Variants in LRFN5 observed in about 807,000 individuals in gnomAD.
LRFN5 encodes the protein leucine rich repeat and fibronectin type III domain containing 5.
LRFN5 carries 24 observed loss-of-function variants against 45.6 expected under a neutral mutation model. The observed-to-expected ratio is 0.53, with a 90% CI of 0.38 to 0.74. The LOEUF (loss-of-function observed/expected upper bound fraction) is 0.74. LRFN5 is among the 30% of genes least tolerant of loss of function. The probability of loss-of-function intolerance (pLI) is 0.00; values close to 1 mark genes in which losing one functional copy is unlikely to be tolerated. For missense variants in LRFN5, 776 were observed against 861.5 expected (o/e 0.90, Z 1.24); for synonymous variants, 340 against 313.8 (o/e 1.08, Z -0.88).
At chr14:41,786,247 C>G (rs1407333362) in intron 2 of LRFN5, among the ~76,000 whole-genome samples, 2 of 152,066 alleles carry the variant, frequency 1.3e-5, no homozygotes, top group Non-Finnish European at 2.9e-5. Flanking sequence ...TGACTTCGTT[C>G]TATCTAGTTT....
At chr14:41,701,155 G>A (rs547883061) in intron 1 of LRFN5, 1 of 152,126 alleles carries the variant, frequency 6.6e-6, no homozygotes, top group South Asian at 2.1e-4. Flanking sequence ...AGAATATGTT[G>A]ATCAATTAGA....
At chr14:41,739,820 T>C (rs1350056323) in intron 1 of LRFN5, among the ~76,000 whole-genome samples, 1 of 151,676 alleles carries the variant, frequency 6.6e-6, no homozygotes, top group Non-Finnish European at 1.5e-5. Context: ...TTAGCTAGAC[T>C]AACAAGGACA....
chr14:41,699,683 A>G (rs1054967375), intron 1 of LRFN5: 14 of 152,118 alleles, frequency 9.2e-5, no homozygotes, highest in African/African-American at 3.4e-4. Flanking sequence ...TGTGACACTA[A>G]CACTCCGTGG....
chr14:41,836,380 G>GCACATACTT (rs1361097983), intron 2 of LRFN5, among the ~76,000 whole-genome samples: 19 of 152,086 alleles, frequency 1.2e-4, no homozygotes, highest in Non-Finnish European at 2.2e-4. Context: ...TGCATGAATT[G>GCACATACTT]CACATACTTG....
At chr14:41,809,740 A>G (rs986773206) in intron 2 of LRFN5, among the ~76,000 whole-genome samples, 1 of 151,836 alleles carries the variant, frequency 6.6e-6, no homozygotes, top group African/African-American at 2.4e-5. Context: ...AAGATATTTA[A>G]ATATAAATCA....
intron 4 of LRFN5, 65 bp from the exon 5 acceptor site, chr14:41,898,851 AG>A: frequency 7.2e-7 from 1 of 1,380,824 alleles, no homozygotes; most frequent in Non-Finnish European, 1.0e-6. Context: ...TTTCAGTAAG[AG>A]GTTTTTTGAA....
intron 1 of LRFN5, among the ~76,000 whole-genome samples, chr14:41,732,549 C>T (rs188433385): frequency 6.2e-4 from 94 of 152,056 alleles, no homozygotes; most frequent in Non-Finnish European, 9.9e-4. Flanking sequence ...ACATTTCAGG[C>T]GAACTCTGCA....
intron 2 of LRFN5, among the ~76,000 whole-genome samples, chr14:41,852,064 G>C (rs924681257): frequency 6.6e-6 from 1 of 151,512 alleles, no homozygotes; most frequent in African/African-American, 2.4e-5. Context: ...CTTTCCTAAT[G>C]AAAATTGTGG....
intron 1 of LRFN5, among the ~76,000 whole-genome samples, chr14:41,670,223 A>C: frequency 7.8e-6 from 1 of 128,922 alleles, no homozygotes; most frequent in African/African-American, 3.0e-5. Flanking sequence ...GTGTATATAT[A>C]TGTATACACA....
At chr14:41,634,249 A>G (rs146685137) in intron 1 of LRFN5, among the ~76,000 whole-genome samples, 4 of 152,256 alleles carry the variant, frequency 2.6e-5, no homozygotes, top group Non-Finnish European at 4.4e-5. Flanking sequence ...CAATGAGCCT[A>G]TCTTTTCTTA....
intron 1 of LRFN5, among the ~76,000 whole-genome samples, chr14:41,632,488 A>C (rs1196167262): frequency 1.3e-5 from 2 of 152,132 alleles, no homozygotes; most frequent in Admixed American, 6.5e-5. Flanking sequence ...CTTTAATCCC[A>C]GCTACTCGGG....
intron 1 of LRFN5, among the ~76,000 whole-genome samples, chr14:41,710,794 G>C (rs185700768): frequency 1.7e-3 from 251 of 150,988 alleles, no homozygotes; most frequent in Non-Finnish European, 3.0e-3. Context: ...GACAGGCCCC[G>C]GTGTGTGATG....
intron 2 of LRFN5, among the ~76,000 whole-genome samples, chr14:41,797,534 T>C (rs1887174260): frequency 6.6e-6 from 1 of 151,624 alleles, no homozygotes; most frequent in African/African-American, 2.4e-5. Context: ...TCCTTATTCT[T>C]TTTCTTTCTT....
At chr14:41,889,452 C>G (rs1222667847) in intron 3 of LRFN5, among the ~76,000 whole-genome samples, 3 of 151,962 alleles carry the variant, frequency 2.0e-5, no homozygotes, top group Non-Finnish European at 4.4e-5. Flanking sequence ...CTTGTCATAC[C>G]AGGCTCTTCA....
intron 2 of LRFN5, among the ~76,000 whole-genome samples, chr14:41,865,191 G>C (rs1244910831): frequency 1.3e-5 from 2 of 151,742 alleles, no homozygotes; most frequent in Non-Finnish European, 2.9e-5. Context: ...GAACACTTTT[G>C]TCATCCCACA....
intron 1 of LRFN5, among the ~76,000 whole-genome samples, chr14:41,644,598 G>A (rs1879727151): frequency 6.6e-6 from 1 of 152,106 alleles, no homozygotes; most frequent in Admixed American, 6.6e-5. Flanking sequence ...GTGTGTGTGT[G>A]TGTTATGTAT....
At chr14:41,823,676 T>C (rs977300863) in intron 2 of LRFN5, among the ~76,000 whole-genome samples, 2 of 152,140 alleles carry the variant, frequency 1.3e-5, no homozygotes, top group African/African-American at 2.4e-5. Flanking sequence ...TCTTGTATCT[T>C]GATATTTAAA....
intron 2 of LRFN5, among the ~76,000 whole-genome samples, chr14:41,857,663 A>C (rs1454839445): frequency 6.6e-6 from 1 of 152,318 alleles, no homozygotes; most frequent in East Asian, 1.9e-4. Context: ...AACATGCATA[A>C]TACACATACT....
intron 1 of LRFN5, among the ~76,000 whole-genome samples, chr14:41,720,438 T>C (rs1240113587): frequency 6.6e-6 from 1 of 152,100 alleles, no homozygotes; most frequent in African/African-American, 2.4e-5. Context: ...TGTATTTCCC[T>C]TTGGATATAT....
Sources: gnomAD v4.1 joint callset for allele counts (sites outside exome capture counted in the v4.1 genomes callset) on GRCh38, gnomAD v4.1.1 for gene constraint, MANE v1.5 for transcripts, NCBI Gene and HGNC (gene_info 2026-07-23, HGNC 2026-07-21) for gene names.